The following ADGRB3 variants were observed in gnomAD, a reference collection of about 807,000 sequenced individuals.
ADGRB3 encodes the protein adhesion G protein-coupled receptor B3.
In ADGRB3, 37 loss-of-function variants were observed where a neutral mutation model predicts 193.4. The observed-to-expected ratio is 0.19, with a 90% CI of 0.15 to 0.25. The LOEUF (loss-of-function observed/expected upper bound fraction) is 0.25, where lower values mean the gene tolerates loss of function less well. Among genes scored for constraint, ADGRB3 ranks in the 10% least tolerant of loss-of-function variants. The pLI is 1.00. For synonymous variants in ADGRB3, 690 were observed against 644.2 expected, an observed-to-expected ratio of 1.07 and a Z score of -1.08; for missense variants, 1,637 against 1,852.9, an observed-to-expected ratio of 0.88 and a Z score of 2.14.
At chr6:68,678,075 G>C (rs1023668784) in intron 3 of ADGRB3, among the ~76,000 whole-genome samples, 1 of 152,098 alleles carries the variant, frequency 6.6e-6, no homozygotes, top group Admixed American at 6.6e-5. Flanking sequence ...ACAGGCCAAA[G>C]TATCTGTGCT....
intron 16 of ADGRB3, among the ~76,000 whole-genome samples, chr6:69,068,278 C>T (rs1044918866): frequency 3.3e-5 from 5 of 152,080 alleles, no homozygotes; most frequent in African/African-American, 9.7e-5. Flanking sequence ...TGTTACATGT[C>T]TCTGCTATAA....
chr6:68,898,883 A>T (rs1459243308), intron 3 of ADGRB3, among the ~76,000 whole-genome samples: 1 of 152,204 alleles, frequency 6.6e-6, no homozygotes, highest in Non-Finnish European at 1.5e-5. Flanking sequence ...AAACCATTAA[A>T]GTCATCAAAA....
At chr6:68,689,708 A>C (rs1467385284) in intron 3 of ADGRB3, among the ~76,000 whole-genome samples, 1 of 152,046 alleles carries the variant, frequency 6.6e-6, no homozygotes, top group African/African-American at 2.4e-5. Flanking sequence ...AAAAGAAAAA[A>C]AAACAACTTT....
intron 20 of ADGRB3, among the ~76,000 whole-genome samples, chr6:69,265,916 C>T (rs1482836474): frequency 1.3e-5 from 2 of 151,874 alleles, no homozygotes; most frequent in Non-Finnish European, 2.9e-5. Flanking sequence ...TCAGTCTCTG[C>T]TTCATCCCAT....
intron 3 of ADGRB3, among the ~76,000 whole-genome samples, chr6:68,688,595 G>A (rs1035559229): frequency 2.0e-5 from 3 of 152,114 alleles, no homozygotes; most frequent in Non-Finnish European, 2.9e-5. Flanking sequence ...CAGGGATAAC[G>A]TTTTCTTGGA....
chr6:69,208,814 T>TTGA (rs1341828525), intron 17 of ADGRB3, among the ~76,000 whole-genome samples: 3 of 152,180 alleles, frequency 2.0e-5, no homozygotes, highest in African/African-American at 7.2e-5. Context: ...CCACTTCCAT[T>TTGA]TGATGATGGA....
intron 3 of ADGRB3, among the ~76,000 whole-genome samples, chr6:68,751,694 T>G (rs942899700): frequency 5.9e-5 from 9 of 152,180 alleles, no homozygotes; most frequent in African/African-American, 1.7e-4. Context: ...TATACTATCC[T>G]CACACCCTCA....
chr6:68,655,727 C>A (rs1768476461), intron 3 of ADGRB3, among the ~76,000 whole-genome samples: 1 of 151,458 alleles, frequency 6.6e-6, no homozygotes, highest in Non-Finnish European at 1.5e-5. Context: ...CCACTTTTTC[C>A]TTTTAAAATG....
chr6:69,309,889 A>G (rs1480883958), intron 20 of ADGRB3, among the ~76,000 whole-genome samples: 1 of 151,646 alleles, frequency 6.6e-6, no homozygotes, highest in Non-Finnish European at 1.5e-5. Context: ...AATAATTTTC[A>G]TCCACTTTAA....
Position 68,806,508 on chromosome 6 carries a change from T to C in ADGRB3, c.758-124051T>C, listed in dbSNP as rs543908550. Among the ~76,000 whole-genome samples the C allele has an allele frequency of 4.2e-4, 64 of 152,140 alleles. 1 individual carries two copies. Among genetic ancestry groups the C allele is most frequent in the Non-Finnish European group, 7.4e-4 (50 of 67,944 alleles). On this transcript the variant is annotated intron_variant, in intron 3 of 31. Transcript: ENST00000370598. ...TATAAAGCTATAAATCAGCAAGCAA[T>C]TGAATTAAAAAGAAAAAGTACTTAT...
intron 3 of ADGRB3, among the ~76,000 whole-genome samples, chr6:68,700,362 T>C (rs1317271907): frequency 6.6e-6 from 1 of 152,144 alleles, no homozygotes; most frequent in Non-Finnish European, 1.5e-5. Flanking sequence ...AAAACACCTT[T>C]TTTTTTCTCA....
intron 3 of ADGRB3, among the ~76,000 whole-genome samples, chr6:68,692,156 A>C (rs1205155163): frequency 5.3e-5 from 8 of 152,044 alleles, no homozygotes; most frequent in African/African-American, 1.9e-4. Flanking sequence ...AAATAATTTC[A>C]AATGTATTCC....
At chr6:69,319,613 A>C (rs546643579) in intron 20 of ADGRB3, among the ~76,000 whole-genome samples, 6 of 151,408 alleles carry the variant, frequency 4.0e-5, no homozygotes, top group Non-Finnish European at 7.4e-5. Context: ...ACTTTGAAAA[A>C]TTATTATTGT....
intron 15 of ADGRB3, among the ~76,000 whole-genome samples, chr6:69,052,871 A>G (rs1771440304): frequency 6.6e-6 from 1 of 152,218 alleles, no homozygotes; most frequent in Admixed American, 6.5e-5. Flanking sequence ...TTCCTTCTTC[A>G]GAATAATTTC....
intron 17 of ADGRB3, among the ~76,000 whole-genome samples, chr6:69,118,454 GC>G (rs67228153): frequency 0.42 from 63,271 of 151,810 alleles, 15,129 homozygotes; most frequent in East Asian, 0.95. Context: ...CAGAGTAAAG[GC>G]CCAGGTACAC....
intron 17 of ADGRB3, among the ~76,000 whole-genome samples, chr6:69,203,623 G>A (rs745993331): frequency 6.6e-6 from 1 of 152,004 alleles, no homozygotes; most frequent in Non-Finnish European, 1.5e-5. Context: ...TCTTTAGTTG[G>A]TCCCTGCCCT....
At chr6:68,661,968 G>A (rs1038371404) in intron 3 of ADGRB3, among the ~76,000 whole-genome samples, 3 of 151,260 alleles carry the variant, frequency 2.0e-5, no homozygotes, top group African/African-American at 7.3e-5. Context: ...AAGTGACAAG[G>A]GATCATAAAT....
chr6:68,644,110 C>G (rs956087505), intron 3 of ADGRB3, among the ~76,000 whole-genome samples: 7 of 149,266 alleles, frequency 4.7e-5, no homozygotes, highest in African/African-American at 1.7e-4. Context: ...ATAAATGAAA[C>G]AAAAAAACTC....
chr6:68,979,456 T>C (rs1768844471), intron 10 of ADGRB3, among the ~76,000 whole-genome samples: 1 of 151,490 alleles, frequency 6.6e-6, no homozygotes, highest in Non-Finnish European at 1.5e-5. Flanking sequence ...TTGGAAGCCT[T>C]ATAAGATGCA....
Sources: gnomAD v4.1 joint callset for allele counts (sites outside exome capture counted in the v4.1 genomes callset) on GRCh38, gnomAD v4.1.1 for gene constraint, MANE v1.5 for transcripts, NCBI Gene and HGNC (gene_info 2026-07-23, HGNC 2026-07-21) for gene names.